The following CPPED1 variants were observed in gnomAD, a reference collection of about 807,000 sequenced individuals.
CPPED1 encodes the protein calcineurin like phosphoesterase domain containing 1, also known as serine/threonine-protein phosphatase CPPED1.
A neutral mutation model predicts 28.0 loss-of-function variants in CPPED1; 28 were observed. The ratio of observed to expected loss-of-function variants is 1.00; its 90% confidence interval spans 0.74 to 1.37. The LOEUF (loss-of-function observed/expected upper bound fraction) is 1.37, where lower values mean the gene tolerates loss of function less well. Ranked by LOEUF, CPPED1 falls within the 40% of genes most tolerant of loss-of-function variation. CPPED1 has a pLI of 0.00. For synonymous variants in CPPED1, 198 were observed against 180.2 expected, an observed-to-expected ratio of 1.10 and a Z score of -0.79; for missense variants, 504 against 416.5, an observed-to-expected ratio of 1.21 and a Z score of -1.83.
At chr16:12,754,929 T>A (rs2080355544) in intron 2 of CPPED1, among the ~76,000 whole-genome samples, 1 of 152,178 alleles carries the variant, frequency 6.6e-6, no homozygotes, top group African/African-American at 2.4e-5. Flanking sequence ...GAGGATGGCT[T>A]GAGCACAGGA....
At chr16:12,776,020 A>G (rs1339693058) in intron 2 of CPPED1, among the ~76,000 whole-genome samples, 2 of 152,190 alleles carry the variant, frequency 1.3e-5, no homozygotes, top group East Asian at 1.9e-4. Context: ...CTTATATGGC[A>G]AAAGGGGAAT....
At chr16:12,711,659 G>A (rs1366266501) in intron 2 of CPPED1, among the ~76,000 whole-genome samples, 8 of 152,108 alleles carry the variant, frequency 5.3e-5, no homozygotes, top group Non-Finnish European at 1.0e-4. Flanking sequence ...ATTCTAATAG[G>A]AGCCCCCATG....
At chr16:12,728,391 A>G (rs552544862) in intron 2 of CPPED1, among the ~76,000 whole-genome samples, 2 of 152,358 alleles carry the variant, frequency 1.3e-5, no homozygotes, top group South Asian at 4.1e-4. Context: ...ATTTAGGATA[A>G]CATATCCCTG....
intron 2 of CPPED1, among the ~76,000 whole-genome samples, chr16:12,729,135 G>A (rs2080184786): frequency 6.6e-6 from 1 of 152,052 alleles, no homozygotes; most frequent in South Asian, 2.1e-4. Flanking sequence ...GGTGTGGAGA[G>A]TCCAGCATAT....
intron 1 of CPPED1, among the ~76,000 whole-genome samples, chr16:12,803,316 GCTT>G (rs1463123444): frequency 2.6e-5 from 4 of 152,290 alleles, no homozygotes; most frequent in Admixed American, 6.5e-5. Flanking sequence ...TGCACCGAAC[GCTT>G]ATCCAGTAAC....
intron 2 of CPPED1, among the ~76,000 whole-genome samples, chr16:12,705,695 T>C (rs958991093): frequency 6.6e-6 from 1 of 152,088 alleles, no homozygotes; most frequent in Admixed American, 6.6e-5. Context: ...GAGGCAGAGG[T>C]TGCAGTAAGC....
chr16:12,802,142 C>A (rs2080663849), intron 1 of CPPED1, among the ~76,000 whole-genome samples: 1 of 152,140 alleles, frequency 6.6e-6, no homozygotes, highest in Admixed American at 6.6e-5. Context: ...GGGCAAACCC[C>A]TGGGGCATGG....
intron 2 of CPPED1, among the ~76,000 whole-genome samples, chr16:12,771,081 G>C (rs961414557): frequency 1.3e-5 from 2 of 152,100 alleles, no homozygotes; most frequent in Non-Finnish European, 2.9e-5. Flanking sequence ...ACAATAAAAA[G>C]ATCCGTATCT....
intron 2 of CPPED1, among the ~76,000 whole-genome samples, chr16:12,759,915 C>T (rs1233444581): frequency 2.0e-5 from 3 of 152,268 alleles, no homozygotes; most frequent in East Asian, 3.9e-4. Context: ...GGGGCAAACT[C>T]TCCAAAAGTC....
chr16:12,709,410 A>G lies in CPPED1; in HGVS notation c.290-4361T>C, dbSNP rs1433159162. ...CAATGTCAGCACACACCTGACCCCC[A>G]CGGAGAGGAGCCCTGGGTGGGAATG... On this transcript the variant is annotated intron_variant, in intron 2 of 3. Transcript: ENST00000381774. This position sits in a 1 kb window ranked among gnomAD's most constrained non-coding sequence, Gnocchi z 4.4. Among the ~76,000 whole-genome samples the G allele has an allele frequency of 6.6e-6, 1 of 152,178 alleles. No homozygotes were observed. The highest frequency in any genetic ancestry group is 1.5e-5 in the Non-Finnish European group (1 of 68,018).
At chr16:12,790,370 A>G (rs1316534101) in intron 1 of CPPED1, among the ~76,000 whole-genome samples, 1 of 152,214 alleles carries the variant, frequency 6.6e-6, no homozygotes, top group Non-Finnish European at 1.5e-5. Context: ...CAAGAATTAG[A>G]AATTTTATTG....
chr16:12,739,702 G>C (rs896575148), intron 2 of CPPED1, among the ~76,000 whole-genome samples: 6 of 152,180 alleles, frequency 3.9e-5, no homozygotes, highest in Non-Finnish European at 7.3e-5. Flanking sequence ...CTAGTATAGA[G>C]GATGCCAAAG....
At chr16:12,694,152 G>C (rs2079977480) in intron 3 of CPPED1, among the ~76,000 whole-genome samples, 2 of 152,160 alleles carry the variant, frequency 1.3e-5, no homozygotes, top group Non-Finnish European at 2.9e-5. Context: ...GTTGCAATGA[G>C]CCGAGATTGC....
chr16:12,677,361 G>A (rs1365198546), intron 3 of CPPED1, among the ~76,000 whole-genome samples: 1 of 152,234 alleles, frequency 6.6e-6, no homozygotes, highest in East Asian at 1.9e-4. Context: ...AAGGTTGGCT[G>A]GGCGCGGTGG....
intron 3 of CPPED1, among the ~76,000 whole-genome samples, chr16:12,683,181 G>C (rs1567274701): frequency 6.6e-6 from 1 of 152,190 alleles, no homozygotes; most frequent in Non-Finnish European, 1.5e-5. Context: ...GGGTAAGTGA[G>C]ATTCCGTTTG....
At chr16:12,775,990 G>A (rs546069464) in intron 2 of CPPED1, among the ~76,000 whole-genome samples, 1 of 152,254 alleles carries the variant, frequency 6.6e-6, no homozygotes, top group African/African-American at 2.4e-5. Flanking sequence ...CCTAACTCCT[G>A]GAACTTACAA....
chr16:12,689,631 T>G (rs2079951923), intron 3 of CPPED1, among the ~76,000 whole-genome samples: 1 of 151,952 alleles, frequency 6.6e-6, no homozygotes, highest in African/African-American at 2.4e-5. Flanking sequence ...CACCTGTATG[T>G]GAGACCACAA....
chr16:12,742,187 T>A (rs1455664332), intron 2 of CPPED1, among the ~76,000 whole-genome samples: 1 of 152,194 alleles, frequency 6.6e-6, no homozygotes, highest in East Asian at 1.9e-4. Flanking sequence ...GCATTTTACA[T>A]AACTACAGAC....
chr16:12,789,673 G>A (rs146066566), intron 1 of CPPED1, among the ~76,000 whole-genome samples: 56 of 152,066 alleles, frequency 3.7e-4, no homozygotes, highest in Admixed American at 2.0e-3. Context: ...GCACAGGTGC[G>A]CGACACCATG....
Sources: gnomAD v4.1 joint callset for allele counts (sites outside exome capture counted in the v4.1 genomes callset) on GRCh38, gnomAD v4.1.1 for gene constraint, Gnocchi (gnomAD v3.1) non-coding constraint, MANE v1.5 for transcripts, NCBI Gene and HGNC (gene_info 2026-07-23, HGNC 2026-07-21) for gene names.